Variants in ALK observed in about 807,000 individuals in gnomAD.
The protein encoded by ALK is ALK tyrosine kinase receptor.
In ALK, 74 loss-of-function variants were observed where a neutral mutation model predicts 163.1. The ratio of observed to expected loss-of-function variants is 0.45; its 90% CI spans 0.38 to 0.55. ALK has a LOEUF of 0.55. ALK is among the 20% of genes least tolerant of loss of function. The pLI is 0.00. For missense variants in ALK, 2,063 were observed against 2,105.3 expected (o/e 0.98, Z 0.39); for synonymous variants, 960 against 843.2 (o/e 1.14, Z -2.40).
chr2:29,409,847 T>C (rs2148321287), intron 4 of ALK, among the ~76,000 whole-genome samples: 1 of 152,260 alleles, frequency 6.6e-6, no homozygotes, highest in East Asian at 1.9e-4. Flanking sequence ...AAGGGTTCAT[T>C]TCTCTACCCC....
intron 4 of ALK, among the ~76,000 whole-genome samples, chr2:29,507,220 C>T (rs577068548): frequency 3.9e-5 from 6 of 152,292 alleles, no homozygotes; most frequent in Non-Finnish European, 5.9e-5. Flanking sequence ...CTCTGACACA[C>T]GTTACAATAT....
chr2:29,897,825 C>T lies in ALK; in HGVS notation c.667+22168G>A, dbSNP rs372001298. Among the ~76,000 whole-genome samples, 8 of 152,276 alleles carry T rather than the reference C, an allele frequency of 5.3e-5. No individual in the cohort carries two copies. In the South Asian group the frequency reaches 6.2e-4, roughly 12 times the overall value. The stretch of plus-strand genomic sequence containing the variant: ...TGTACCCTGCCCTTCTCCCTGGGTA[C>T]GGTGAGAGTCCTTCTTGTGGCCCAT... On this transcript the variant is annotated intron_variant, in intron 1 of 28. Coordinates refer to ENST00000389048, the MANE Select transcript of ALK (RefSeq NM_004304.5).
intron 1 of ALK, among the ~76,000 whole-genome samples, chr2:29,905,632 G>A (rs1428323608): frequency 1.3e-5 from 2 of 151,308 alleles, no homozygotes; most frequent in Admixed American, 6.6e-5. Flanking sequence ...GGAAGGAAGG[G>A]AGGGAGAGAG....
intron 3 of ALK, among the ~76,000 whole-genome samples, chr2:29,601,633 G>C (rs1394910618): frequency 6.6e-6 from 1 of 152,084 alleles, no homozygotes; most frequent in Non-Finnish European, 1.5e-5. Context: ...CAGCTTCTCT[G>C]AGTGTTCCAT....
chr2:29,656,784 C>T (rs1308558290), intron 3 of ALK, among the ~76,000 whole-genome samples: 1 of 152,148 alleles, frequency 6.6e-6, no homozygotes, highest in African/African-American at 2.4e-5. Context: ...ATGTACTCCA[C>T]AGAGAGGTAG....
chr2:29,745,087 C>G (rs1457726006), intron 1 of ALK, among the ~76,000 whole-genome samples: 1 of 152,142 alleles, frequency 6.6e-6, no homozygotes, highest in South Asian at 2.1e-4. Flanking sequence ...AAATACACAG[C>G]CCCACAGGAA....
At chr2:29,251,604 G>T (rs760732251) in intron 11 of ALK, among the ~76,000 whole-genome samples, 8 of 152,174 alleles carry the variant, frequency 5.3e-5, no homozygotes, top group Non-Finnish European at 1.2e-4. Flanking sequence ...CTGCGCTAGG[G>T]GAGTTCCAGG....
At chr2:29,880,794 G>A (rs528521328) in intron 1 of ALK, among the ~76,000 whole-genome samples, 2 of 152,260 alleles carry the variant, frequency 1.3e-5, no homozygotes, top group Admixed American at 1.3e-4. Context: ...AGCAACCATG[G>A]GGCTATAGCC....
At chr2:29,337,073 G>A (rs899266301) in intron 5 of ALK, among the ~76,000 whole-genome samples, 1 of 152,186 alleles carries the variant, frequency 6.6e-6, no homozygotes, top group African/African-American at 2.4e-5. Flanking sequence ...AATGGATGGT[G>A]ACATGATGAG....
chr2:29,846,625 C>T (rs994905083), intron 1 of ALK, among the ~76,000 whole-genome samples: 1 of 152,142 alleles, frequency 6.6e-6, no homozygotes, highest in African/African-American at 2.4e-5. Context: ...CAAAGTCCAC[C>T]TCCTCCCCCG....
At chr2:29,866,336 G>C (rs1289529295) in intron 1 of ALK, among the ~76,000 whole-genome samples, 3 of 152,218 alleles carry the variant, frequency 2.0e-5, no homozygotes, top group African/African-American at 7.2e-5. Context: ...AGGAAGGGCA[G>C]TCAGCCCATC....
chr2:29,867,509 G>C (rs1425210009), intron 1 of ALK, among the ~76,000 whole-genome samples: 1 of 152,132 alleles, frequency 6.6e-6, no homozygotes, highest in Non-Finnish European at 1.5e-5. Flanking sequence ...CAACAGATTC[G>C]TGAGTTGCAA....
intron 3 of ALK, among the ~76,000 whole-genome samples, chr2:29,544,079 T>C (rs1321513397): frequency 1.3e-5 from 2 of 152,208 alleles, no homozygotes; most frequent in Non-Finnish European, 2.9e-5. Context: ...TATCTGCTAT[T>C]ACTCTTTCAG....
intron 2 of ALK, among the ~76,000 whole-genome samples, chr2:29,697,062 A>G (rs1573563787): frequency 6.6e-6 from 1 of 151,970 alleles, no homozygotes; most frequent in Non-Finnish European, 1.5e-5. Context: ...CCCAGAACTT[A>G]AAGTAAAATA....
At chr2:29,758,348 A>G (rs1041599743) in intron 1 of ALK, among the ~76,000 whole-genome samples, 6 of 152,104 alleles carry the variant, frequency 3.9e-5, no homozygotes, top group South Asian at 2.1e-4. Context: ...AGGTAGAGGA[A>G]CAGCTGCCTG....
intron 1 of ALK, among the ~76,000 whole-genome samples, chr2:29,815,270 G>A (rs868395754): frequency 2.0e-5 from 3 of 151,690 alleles, no homozygotes; most frequent in Middle Eastern, 3.2e-3. Context: ...GACAGCAGTC[G>A]AAGTTTGGAA....
At chr2:29,352,769 G>A (rs1668152561) in intron 5 of ALK, among the ~76,000 whole-genome samples, 1 of 152,218 alleles carries the variant, frequency 6.6e-6, no homozygotes, top group Non-Finnish European at 1.5e-5. Flanking sequence ...GGGTTTGTGG[G>A]AAGTGGGCAG....
At chr2:29,837,393 T>C (rs967056586) in intron 1 of ALK, among the ~76,000 whole-genome samples, 6 of 152,214 alleles carry the variant, frequency 3.9e-5, no homozygotes, top group Non-Finnish European at 8.8e-5. Context: ...CATATGTGCA[T>C]AGGTATTCCC....
At chr2:29,222,117 A>G (rs1277535638) in intron 22 of ALK, among the ~76,000 whole-genome samples, 2 of 152,238 alleles carry the variant, frequency 1.3e-5, no homozygotes, top group African/African-American at 2.4e-5. Flanking sequence ...AGACAGTGAC[A>G]TCGGTGGGAT....
Sources: gnomAD v4.1 joint callset for allele counts (sites outside exome capture counted in the v4.1 genomes callset) on GRCh38, gnomAD v4.1.1 for gene constraint, MANE v1.5 for transcripts, NCBI Gene and HGNC (gene_info 2026-07-23, HGNC 2026-07-21) for gene names.